SLC22A31: variants seen among roughly 807,000 people sequenced by gnomAD.
SLC22A31 encodes solute carrier family 22 member 31, also known as putative solute carrier family 22 member 31.
SLC22A31 carries 42 observed loss-of-function variants against 27.4 expected under a neutral mutation model. The observed-to-expected ratio is 1.53, with a 90% CI of 1.20 to 1.98. The LOEUF is 1.98. SLC22A31 is among the 30% of genes most tolerant of loss of function. The probability of loss-of-function intolerance (pLI) is 0.00; values close to 1 mark genes in which losing one functional copy is unlikely to be tolerated. For synonymous variants in SLC22A31, 290 were observed against 230.8 expected (o/e 1.26, Z -2.33); for missense variants, 593 against 479.9 (o/e 1.24, Z -2.20).
upstream of SLC22A31, chr16:89,201,153 G>T: frequency 2.6e-6 from 1 of 378,344 alleles, no homozygotes; most frequent in Non-Finnish European, 4.7e-6. Context: ...CCAGGAGGAC[G>T]GCCGGGGGGC....
chr16:89,198,593 G>A (rs1321111936), intron 5 of SLC22A31, 43 bp from the exon 6 acceptor site: 3 of 1,520,854 alleles, frequency 2.0e-6, no homozygotes, highest in Non-Finnish European at 2.6e-6. Flanking sequence ...GAGGAGCTGT[G>A]CCTCTCCGAA....
In SLC22A31 at chr16:89,196,311, G is replaced by T. The variant is rs1343019180; in HGVS notation, c.1035-6C>A. ...CCAGGCCCAGCCCGGCCCCCCTGTG[G>T]GACAGAGTGTGTTGGGGGCAGCCAG... On this transcript the variant is annotated splice_region_variant and splice_polypyrimidine_tract_variant and intron_variant, in intron 8 of 8. Transcript: ENST00000682282. 7.3e-7 allele frequency: 1 copy of T among 1,362,080 alleles called. No individual in the cohort carries two copies. The highest frequency in any genetic ancestry group is 9.7e-7 in the Non-Finnish European group (1 of 1,026,422). 84.4% of individuals were successfully genotyped at this position (1,362,080 alleles called of 1,614,324 possible).
At chr16:89,196,932 G>T (rs1471736041) in intron 8 of SLC22A31, among the ~76,000 whole-genome samples, 1 of 149,164 alleles carries the variant, frequency 6.7e-6, no homozygotes, top group Non-Finnish European at 1.5e-5. Context: ...GTGACAGAGC[G>T]AGACTCCATC....
In SLC22A31 at chr16:89,197,982, G is replaced by A. The variant is rs969222037; in HGVS notation, c.922+140C>T. ...AAGATCCTTTTGGGCCTTCCACAAG[G>A]ATCAGAGGAAAACAAACAGCAGCTG... On this transcript the variant is annotated intron_variant, in intron 7 of 8. Coordinates refer to ENST00000682282, the MANE Select transcript of SLC22A31 (RefSeq NM_001384763.1). 3.3e-6 allele frequency: 3 copies of A among 919,204 alleles called. No individual in the cohort carries two copies. The African/African-American group carries it at 5.0e-5, about 15-fold the overall frequency. The allele number at this position is 919,204 out of a possible 1,614,324, so 56.9% of individuals were successfully genotyped here.
rs1051971201 is a variant in SLC22A31, at chr16:89,196,096, C to G, written c.1244G>C (p.Arg415Pro). ...QSLQDADRLRRSPLLRGRPRQ... is the reference protein window; with the variant it reads ...QSLQDADRLRPSPLLRGRPRQ... ...GGGGCGGCCCCGCAGGAGTGGGGAG[C>G]GGCGCAGGCGGTCGGCGTCCTGCAG... Residue 415 changes from arginine (R) to proline (P), a missense_variant, in exon 9 of 9, where the codon CGC (arginine) becomes CCC (proline). Transcript: ENST00000682282. 1 of 1,533,380 alleles carries G rather than the reference C, an allele frequency of 6.5e-7. No individual in the cohort carries two copies. Among genetic ancestry groups the G allele is most frequent in the Non-Finnish European group, 8.7e-7 (1 of 1,146,162 alleles). 95.0% of individuals were successfully genotyped at this position (1,533,380 alleles called of 1,614,324 possible).
chr16:89,196,380 G>A (rs1438203854), intron 8 of SLC22A31, 75 bp from the exon 9 acceptor site: 1 of 994,466 alleles, frequency 1.0e-6, no homozygotes, highest in Non-Finnish European at 1.4e-6. Flanking sequence ...GGCCCAGCCC[G>A]GCCCCCCTGT....
At position 89,197,310 on chromosome 16, in the gene SLC22A31, G is replaced by C. The variant is rs1916041605; in HGVS notation, c.1022C>G (p.Pro341Arg). ...CCCTGAAGCTCACCTGATCACCGTGGGGAAGACCTCGGCCGCGAAGAGGCT... is the reference window on the plus strand; with the variant it reads ...CCCTGAAGCTCACCTGATCACCGTGCGGAAGACCTCGGCCGCGAAGAGGCT... ...LSSLFAAEVFPTVIRGAGLGL... is the reference protein window; with the variant it reads ...LSSLFAAEVFRTVIRGAGLGL... Residue 341 changes from proline (P) to arginine (R), a missense_variant, in exon 8 of 9, where the codon CCC becomes CGC. Transcript: ENST00000682282. The C allele has an allele frequency of 6.5e-7, 1 of 1,535,652 alleles. No homozygotes were observed. Among genetic ancestry groups the C allele is most frequent in the South Asian group, 1.2e-5 (1 of 84,040 alleles).
Position 89,196,099 on chromosome 16 carries a change from C to G in SLC22A31, c.1241G>C (p.Arg414Pro). 6.5e-7 allele frequency: 1 copy of G among 1,533,672 alleles called. No homozygotes were observed. Among genetic ancestry groups the G allele is most frequent in the Non-Finnish European group, 8.7e-7 (1 of 1,146,298 alleles). The change falls in exon 9 of 9, where the codon CGC (arginine) becomes CCC (proline). Residue 414 changes from arginine to proline, a missense_variant. Arg to Pro is a moderately radical substitution (Grantham distance 103). Coordinates refer to ENST00000682282, the MANE Select transcript of SLC22A31 (RefSeq NM_001384763.1). ...PQSLQDADRL[R>P]RSPLLRGRPR... ...GCGGCCCCGCAGGAGTGGGGAGCGG[C>G]GCAGGCGGTCGGCGTCCTGCAGTGA...
upstream of SLC22A31, chr16:89,201,154 G>A: frequency 5.3e-6 from 2 of 378,348 alleles, no homozygotes; most frequent in Non-Finnish European, 4.7e-6. Flanking sequence ...CAGGAGGACG[G>A]CCGGGGGGCC....
At chr16:89,197,589 G>C (rs1597319147) in intron 7 of SLC22A31, among the ~76,000 whole-genome samples, 180 bp from the exon 8 acceptor site, 2 of 152,234 alleles carry the variant, frequency 1.3e-5, no homozygotes, top group Middle Eastern at 6.8e-3. Context: ...TTCCAGCCTG[G>C]CTTGGATTCT....
At chr16:89,201,028 G>A, upstream of SLC22A31, 1 of 358,826 alleles carries the variant, frequency 2.8e-6, no homozygotes, top group Middle Eastern at 7.4e-4. Flanking sequence ...GCCGCCCCGC[G>A]CCTGGCAGCT....
intron 8 of SLC22A31, 142 bp from the exon 9 acceptor site, chr16:89,196,447 A>C: frequency 8.2e-7 from 1 of 1,226,080 alleles, no homozygotes; most frequent in Admixed American, 3.5e-5. Context: ...GGCCCCCAGC[A>C]CCAGGCCCAG....
In SLC22A31 at chr16:89,199,553, G is replaced by A; in HGVS notation, c.143C>T (p.Ala48Val). The A allele has an allele frequency of 2.3e-6, 1 of 442,764 alleles. No individual in the cohort carries two copies. Among genetic ancestry groups the A allele is most frequent in the Non-Finnish European group, 4.0e-6 (1 of 248,600 alleles). 27.4% of individuals were successfully genotyped at this position (442,764 alleles called of 1,614,324 possible). The stretch of plus-strand genomic sequence containing the variant: ...CAGCACCAGGGAGGCCACAAAAACT[G>A]CCCGGCGTCCAAACCTGGTGGGCAG... ...GAGCDRFGRR[A>V]VFVASLVLTT... is the part of the protein sequence containing the mutation. Residue 48 changes from alanine (A) to valine (V), a missense_variant, in exon 3 of 9, where the codon GCA (alanine) becomes GTA (valine). Coordinates refer to ENST00000682282, the MANE Select transcript of SLC22A31 (RefSeq NM_001384763.1).
rs76283034 is a variant in SLC22A31, at chr16:89,199,556, C to T, written c.140G>A (p.Arg47Gln). The change falls in exon 3 of 9, where the codon CGG becomes CAG. Residue 47 changes from arginine to glutamine, a missense_variant. Physicochemically the swap from Arg to Gln is conservative, Grantham distance 43 (BLOSUM62 1). Coordinates refer to ENST00000682282, the MANE Select transcript of SLC22A31 (RefSeq NM_001384763.1). ...CACCAGGGAGGCCACAAAAACTGCC[C>T]GGCGTCCAAACCTGGTGGGCAGCGG... is the stretch of plus-strand genomic sequence containing the variant. ...LGAGCDRFGR[R>Q]AVFVASLVLT... 9 of 441,034 alleles carry T rather than the reference C, an allele frequency of 2.0e-5. No homozygotes were observed. The South Asian group carries it at 2.1e-4, about 10-fold the overall frequency. 27.3% of individuals were successfully genotyped at this position (441,034 alleles called of 1,614,324 possible).
chr16:89,201,633 G>A, upstream of SLC22A31: 1 of 397,824 alleles, frequency 2.5e-6, no homozygotes, highest in East Asian at 3.6e-5. Context: ...AAAGCCGCCC[G>A]CAGCTCTCAG....
In SLC22A31 at chr16:89,196,271, A is replaced by T; in HGVS notation, c.1069T>A (p.Phe357Ile). Residue 357 changes from phenylalanine (F) to isoleucine (I), a missense_variant, in exon 9 of 9, where the codon TTC becomes ATC. By Grantham distance (21) the Phe-to-Ile change is conservative. Coordinates refer to ENST00000682282, the MANE Select transcript of SLC22A31 (RefSeq NM_001384763.1). The part of the protein sequence containing the change: ...AGLGLVLGAG[F>I]LGQAAGPLDT... ...AGGGGGCCGGCTGCCTGGCCCAGGAACCCGGCCCCCAGCACCAGGCCCAGC... is the reference window on the plus strand; with the variant it reads ...AGGGGGCCGGCTGCCTGGCCCAGGATCCCGGCCCCCAGCACCAGGCCCAGC... 1 of 1,530,728 alleles carries T rather than the reference A, an allele frequency of 6.5e-7. No individual in the cohort carries two copies. The highest frequency in any genetic ancestry group is 1.4e-5 in the African/African-American group (1 of 72,786). The allele number at this position is 1,530,728 out of a possible 1,614,324, so 94.8% of individuals were successfully genotyped here. A position where few individuals can be genotyped will look rare whatever the true frequency, so the allele number is the denominator to read the frequency against.
upstream of SLC22A31, chr16:89,201,266 G>C: frequency 2.8e-6 from 1 of 363,152 alleles, no homozygotes; most frequent in Non-Finnish European, 4.9e-6. Context: ...GCGCACCTGG[G>C]TGACCGGGCT....
rs1430327089 is a variant in SLC22A31, at chr16:89,198,763, G to C, written c.487C>G (p.Leu163Val). The C allele has an allele frequency of 1.3e-6, 2 of 1,534,732 alleles. No individual in the cohort carries two copies. Among genetic ancestry groups the C allele is most frequent in the African/African-American group, 2.7e-5 (2 of 73,048 alleles). ...PALFPESPCWLLATGQVARAR... is the reference protein window; with the variant it reads ...PALFPESPCWVLATGQVARAR... ...CGAGCTACCTGACCTGTGGCCAGCAGCCAGCAGGGAGACTCGGGGAACAGG... is the reference window on the plus strand; with the variant it reads ...CGAGCTACCTGACCTGTGGCCAGCACCCAGCAGGGAGACTCGGGGAACAGG... The change falls in exon 5 of 9, where the codon CTG (leucine) becomes GTG (valine). Residue 163 changes from leucine to valine, a missense_variant. Leu to Val is a conservative substitution (Grantham distance 32). Transcript: ENST00000682282.
At chr16:89,201,541 G>C (rs942320572), upstream of SLC22A31, 1 of 398,202 alleles carries the variant, frequency 2.5e-6, no homozygotes, top group African/African-American at 2.1e-5. Flanking sequence ...TGCGCGGTAA[G>C]CAGCTCCTCG....
Sources: allele counts gnomAD v4.1 joint callset (sites outside exome capture counted in the v4.1 genomes callset), GRCh38; gene constraint gnomAD v4.1.1; transcripts MANE v1.5; gene names NCBI Gene and HGNC (gene_info 2026-07-23, HGNC 2026-07-21).